PIGA: variants seen among roughly 807,000 people sequenced by gnomAD.
PIGA encodes phosphatidylinositol N-acetylglucosaminyltransferase subunit A.
In PIGA, 3 loss-of-function variants were observed where a neutral mutation model predicts 17.1. The ratio of observed to expected loss-of-function variants is 0.18; its 90% CI spans 0.08 to 0.45. The LOEUF is 0.45. Among genes scored for constraint, PIGA ranks in the 20% least tolerant of loss-of-function variants. The probability of loss-of-function intolerance (pLI) is 0.99; values close to 1 mark genes in which losing one functional copy is unlikely to be tolerated. For synonymous variants in PIGA, 126 were observed against 135.1 expected (o/e 0.93, Z 0.47); for missense variants, 231 against 374.1 (o/e 0.62, Z 3.16).
Position 15,320,194 on chromosome X carries a change from T to A in PIGA, c.*1312A>T, listed in dbSNP as rs1311944664. The A allele has an allele frequency of 3.5e-5, 4 of 112,801 alleles. No individual in the cohort carries two copies. Among genetic ancestry groups the A allele is most frequent in the Non-Finnish European group, 7.5e-5 (4 of 53,394 alleles). 9.3% of individuals were successfully genotyped at this position (112,801 alleles called of 1,213,427 possible). ...TAAATTTTGTGAATGTTGTCATTTT[T>A]AAAAATCCTATACAGAATCACAACA... On this transcript the variant is annotated 3_prime_UTR_variant, in exon 6 of 6. Transcript: ENST00000333590.
chrX:15,333,739 T>C (rs1922239602), intron 1 of PIGA, among the ~76,000 whole-genome samples: 1 of 112,305 alleles, frequency 8.9e-6, no homozygotes, highest in African/African-American at 3.2e-5. Flanking sequence ...AGAGGGTGAT[T>C]ATGTAACTGC....
In PIGA at chrX:15,321,852, T is replaced by C. The variant is rs1921829441; in HGVS notation, c.1189-80A>G. On this transcript the variant is annotated intron_variant, in intron 5 of 5. Transcript: ENST00000333590. ...CCCATGATAAACAATGACCCGATCC[T>C]GCAGGAACATTTTATAAACAAATAC... is the stretch of plus-strand genomic sequence containing the variant. The C allele has an allele frequency of 1.2e-5, 11 of 908,135 alleles. No homozygotes were observed. The South Asian group carries it at 2.4e-4, about 20-fold the overall frequency. 74.8% of individuals were successfully genotyped at this position (908,135 alleles called of 1,213,427 possible).
intron 1 of PIGA, among the ~76,000 whole-genome samples, chrX:15,332,601 T>C (rs1400395833): frequency 8.9e-6 from 1 of 112,444 alleles, no homozygotes; most frequent in Non-Finnish European, 1.9e-5. Flanking sequence ...TGCCCTTCTA[T>C]AGTATAGTCC....
At chrX:15,328,004 C>A (rs1476482995) in intron 2 of PIGA, 19 of 111,907 alleles carry the variant, frequency 1.7e-4, no homozygotes, top group Non-Finnish European at 1.9e-5. Flanking sequence ...AACCTAGAGA[C>A]TTTCGACTGC....
At chrX:15,324,985 A>G (rs1795684528) in intron 4 of PIGA, 35 bp downstream of exon 4, 1 of 1,181,606 alleles carries the variant, frequency 8.5e-7, no homozygotes. Flanking sequence ...AAATACACAG[A>G]AATCCCAACC....
upstream of PIGA, chrX:15,335,553 T>A (rs1458694961): frequency 4.2e-6 from 4 of 954,244 alleles, no homozygotes; most frequent in Non-Finnish European, 5.2e-6. Context: ...GCAGCCGGAG[T>A]CCCTCCCTGC....
chrX:15,325,369 T>A (rs1460370039), intron 3 of PIGA: 1 of 274,477 alleles, frequency 3.6e-6, no homozygotes, highest in Non-Finnish European at 6.4e-6. Flanking sequence ...ATTTCTAACT[T>A]TTGTTACACA....
chrX:15,330,892 G>A (rs913329289), intron 2 of PIGA: 5 of 165,353 alleles, frequency 3.0e-5, no homozygotes, highest in South Asian at 1.3e-4. Context: ...GTGAGCCACC[G>A]TACACGGCCT....
chrX:15,326,314 A>G, intron 2 of PIGA: 1 of 166,791 alleles, frequency 6.0e-6, no homozygotes, highest in Non-Finnish European at 1.1e-5. Flanking sequence ...TCAACAGACT[A>G]TTCTTTAAGT....
At chrX:15,321,978 GTACT>G (rs1921832103) in intron 5 of PIGA, among the ~76,000 whole-genome samples, 1 of 111,689 alleles carries the variant, frequency 9.0e-6, no homozygotes, top group Non-Finnish European at 1.9e-5. Context: ...AACTTATTGG[GTACT>G]TATTCTGGGC....
chrX:15,321,498 G>C lies in PIGA; in HGVS notation c.*8C>G. The C allele has an allele frequency of 8.4e-7, 1 of 1,185,831 alleles. No homozygotes were observed. The highest frequency in any genetic ancestry group is 1.1e-6 in the Non-Finnish European group (1 of 872,952). ...AAATGTTTAAAATCTTACAATCTAG[G>C]CTTCCTTCTACCTGGTTTCAGATAT... On this transcript the variant is annotated 3_prime_UTR_variant, in exon 6 of 6. Transcript: ENST00000333590.
chrX:15,325,348 C>T (rs1389487028), intron 3 of PIGA, 196 bp from the exon 4 acceptor site: 4 of 302,549 alleles, frequency 1.3e-5, no homozygotes, highest in Non-Finnish European at 2.3e-5. Flanking sequence ...AAAACTCATA[C>T]AGCGAACATT....
At chrX:15,332,414 T>G (rs1277085777) in intron 1 of PIGA, among the ~76,000 whole-genome samples, 2 of 112,467 alleles carry the variant, frequency 1.8e-5, no homozygotes, top group African/African-American at 6.5e-5. Flanking sequence ...TACTACATGC[T>G]AAGACTCTTC....
rs143565005 is a variant in PIGA at position 15,331,493 on chromosome X, C to G, written c.438G>C (p.Gly146=). The G allele has an allele frequency of 1.7e-6, 2 of 1,210,568 alleles. No individual in the cohort carries two copies. The highest frequency in any genetic ancestry group is 3.5e-5 in the African/African-American group (2 of 57,294). ...AATGGTCCGTGAAGACTGTCTGAAG[C>G]CCCATTGTCTTGGCGTGGAAGAGAG... The part of the protein sequence containing the change: ...HDALFHAKTM[G]LQTVFTDHSL... Residue 146 remains glycine (G), a synonymous_variant, in exon 2 of 6, where the codon GGG becomes GGC. Transcript: ENST00000333590.
At position 15,321,239 on chromosome X, in the gene PIGA, T is replaced by C; in HGVS notation, c.*267A>G. On this transcript the variant is annotated 3_prime_UTR_variant, in exon 6 of 6. Transcript: ENST00000333590. The stretch of plus-strand genomic sequence containing the variant: ...AAATATAATGTTAAAACATCTCTGC[T>C]ACAGGGATTTCAGTAGTCTGAAAAA... The C allele has an allele frequency of 3.8e-6, 1 of 263,336 alleles. No individual in the cohort carries two copies. The highest frequency in any genetic ancestry group is 2.7e-5 in the African/African-American group (1 of 36,745). 21.7% of individuals were successfully genotyped at this position (263,336 alleles called of 1,213,427 possible).
Position 15,321,351 on chromosome X carries a change from A to G in PIGA, c.*155T>C. Reference sequence around the variant, plus strand: ...ACACTCAGGAATTGCATACATTTTTATCTTTCCTCAACAGAAAATATTGAA... The same window carrying G: ...ACACTCAGGAATTGCATACATTTTTGTCTTTCCTCAACAGAAAATATTGAA... On this transcript the variant is annotated 3_prime_UTR_variant, in exon 6 of 6. Coordinates refer to ENST00000333590, the MANE Select transcript of PIGA (RefSeq NM_002641.4). 2.2e-6 allele frequency: 1 copy of G among 456,559 alleles called. No individual in the cohort carries two copies. The highest frequency in any genetic ancestry group is 3.7e-6 in the Non-Finnish European group (1 of 266,865). The allele number at this position is 456,559 out of a possible 1,213,427, so 37.6% of individuals were successfully genotyped here. A position where few individuals can be genotyped will look rare whatever the true frequency, so the allele number is the denominator to read the frequency against.
chrX:15,330,450 C>G (rs1436344559), intron 2 of PIGA, among the ~76,000 whole-genome samples: 1 of 112,374 alleles, frequency 8.9e-6, no homozygotes, highest in African/African-American at 3.2e-5. Flanking sequence ...AGCTATAAAT[C>G]AAAATACTCA....
chrX:15,323,070 A>T (rs759894472), intron 5 of PIGA, among the ~76,000 whole-genome samples: 2 of 112,101 alleles, frequency 1.8e-5, no homozygotes, highest in South Asian at 7.4e-4. Flanking sequence ...AAAGTGTATT[A>T]TAAATCACCA....
At chrX:15,328,824 T>C (rs1359274118) in intron 2 of PIGA, 1 of 111,968 alleles carries the variant, frequency 8.9e-6, no homozygotes, top group Non-Finnish European at 1.9e-5. Flanking sequence ...TGATCACACT[T>C]GTGTCATACT....
Sources: allele counts gnomAD v4.1 joint callset (sites outside exome capture counted in the v4.1 genomes callset), GRCh38; gene constraint gnomAD v4.1.1; transcripts MANE v1.5; gene names NCBI Gene and HGNC (gene_info 2026-07-23, HGNC 2026-07-21).